The following RAD54B variants were observed in gnomAD, a reference collection of about 807,000 sequenced individuals.
The protein encoded by RAD54B is DNA repair and recombination protein RAD54B.
RAD54B carries 78 observed loss-of-function variants against 95.8 expected under a neutral mutation model. The observed-to-expected ratio is 0.81, with a 90% CI of 0.68 to 0.98. The LOEUF is 0.98. Ranked by LOEUF, RAD54B falls within the 50% of genes least tolerant of loss-of-function variation. The pLI is 0.00. For missense variants in RAD54B, 957 were observed against 1,056.6 expected (o/e 0.91, Z 1.31); for synonymous variants, 328 against 354.9 (o/e 0.92, Z 0.85).
intron 3 of RAD54B, among the ~76,000 whole-genome samples, chr8:94,457,400 T>G (rs1026137483): frequency 6.6e-6 from 1 of 152,212 alleles, no homozygotes; most frequent in Admixed American, 6.5e-5. Flanking sequence ...TGAAAAGTTA[T>G]GAGGAGCACA....
At chr8:94,458,775 G>A (rs1812834992) in intron 2 of RAD54B, among the ~76,000 whole-genome samples, 1 of 152,050 alleles carries the variant, frequency 6.6e-6, no homozygotes, top group Admixed American at 6.6e-5. Flanking sequence ...ATTGAGGCAG[G>A]AGAATCGCTT....
intron 1 of RAD54B, among the ~76,000 whole-genome samples, chr8:94,468,558 G>T (rs1050339991): frequency 6.6e-6 from 1 of 151,996 alleles, no homozygotes. Flanking sequence ...GAGCACGGTG[G>T]CTCATGCCTG....
intron 3 of RAD54B, among the ~76,000 whole-genome samples, chr8:94,433,776 T>C (rs992464803): frequency 2.6e-5 from 4 of 151,794 alleles, no homozygotes; most frequent in Non-Finnish European, 5.9e-5. Flanking sequence ...TGAACATGAA[T>C]GGAAATACTT....
chr8:94,439,067 C>G (rs908685512), intron 3 of RAD54B, among the ~76,000 whole-genome samples: 1 of 151,742 alleles, frequency 6.6e-6, no homozygotes, highest in Admixed American at 6.6e-5. Context: ...ACTCCAGCCT[C>G]GGTGACAGAG....
intron 2 of RAD54B, among the ~76,000 whole-genome samples, chr8:94,461,467 C>T (rs1195883259): frequency 6.6e-6 from 1 of 151,534 alleles, no homozygotes; most frequent in African/African-American, 2.4e-5. Context: ...CCACACCCGG[C>T]CATAAATACT....
chr8:94,378,437 T>C (rs568485414), intron 13 of RAD54B, 57 bp from the exon 14 acceptor site: 1 of 1,526,402 alleles, frequency 6.6e-7, no homozygotes, highest in South Asian at 1.2e-5. Flanking sequence ...TTATTTTTGT[T>C]GGGTATAATG....
chr8:94,399,260 G>T (rs1276390724), intron 8 of RAD54B, among the ~76,000 whole-genome samples, 154 bp downstream of exon 8: 1 of 152,106 alleles, frequency 6.6e-6, no homozygotes, highest in Non-Finnish European at 1.5e-5. Context: ...TGGATTTGAA[G>T]ATTCAGAATC....
chr8:94,474,738 T>C (rs1813256869), intron 1 of RAD54B, among the ~76,000 whole-genome samples: 1 of 152,116 alleles, frequency 6.6e-6, no homozygotes, highest in Non-Finnish European at 1.5e-5. Context: ...CAGGGGCCAC[T>C]GCCCAGAACC....
intron 2 of RAD54B, among the ~76,000 whole-genome samples, chr8:94,459,716 C>G (rs903909338): frequency 2.0e-5 from 3 of 151,220 alleles, no homozygotes; most frequent in Admixed American, 6.6e-5. Context: ...AAAAATTAGC[C>G]AGACACGGTG....
At chr8:94,454,699 A>C (rs1812741435) in intron 3 of RAD54B, among the ~76,000 whole-genome samples, 1 of 152,196 alleles carries the variant, frequency 6.6e-6, no homozygotes, top group African/African-American at 2.4e-5. Context: ...CCACTTATAC[A>C]GTTGTTTACT....
At chr8:94,426,885 A>AG (rs1811956772) in intron 3 of RAD54B, among the ~76,000 whole-genome samples, 1 of 152,224 alleles carries the variant, frequency 6.6e-6, no homozygotes, top group African/African-American at 2.4e-5. Context: ...AGTGAACTCT[A>AG]GTAATACTCA....
chr8:94,410,638 T>C (rs1811505629), intron 4 of RAD54B, among the ~76,000 whole-genome samples: 2 of 152,168 alleles, frequency 1.3e-5, no homozygotes, highest in South Asian at 4.1e-4. Flanking sequence ...ACAGAAACAA[T>C]GGCAACCTCC....
chr8:94,387,121 T>C lies in RAD54B; in HGVS notation c.1848A>G (p.Glu616=), dbSNP rs377000587. Reference sequence around the variant, plus strand: ...TTAGCAAGCCTTTGTATAGACTCTTTTCTTCATTTTTATCACAAGTTGAGC... The same window carrying C: ...TTAGCAAGCCTTTGTATAGACTCTTCTCTTCATTTTTATCACAAGTTGAGC... ...ECSSTCDKNE[E]KSLYKGLLSV... The change falls in exon 11 of 15, where the codon GAA becomes GAG. Residue 616 remains glutamate (E), a synonymous_variant. Transcript: ENST00000336148. 1.9e-6 allele frequency: 3 copies of C among 1,603,036 alleles called. No individual in the cohort carries two copies. The highest frequency in any genetic ancestry group is 2.6e-6 in the Non-Finnish European group (3 of 1,176,162).
intron 3 of RAD54B, among the ~76,000 whole-genome samples, chr8:94,439,505 A>C (rs1240410906): frequency 6.6e-6 from 1 of 152,228 alleles, no homozygotes; most frequent in Non-Finnish European, 1.5e-5. Context: ...ATTGATTCTG[A>C]GCCAAATATG....
In RAD54B at chr8:94,448,148, A is replaced by C. The variant is rs2130152464; in HGVS notation, c.304+10120T>G. On this transcript the variant is annotated intron_variant, in intron 3 of 14. Transcript: ENST00000336148. ...TTCAAATGAAAGACAAGATAGGAAGACAGTTCATTCTCCAAAAAGTAGAGG... is the reference window on the plus strand; with the variant it reads ...TTCAAATGAAAGACAAGATAGGAAGCCAGTTCATTCTCCAAAAAGTAGAGG... Among the ~76,000 whole-genome samples the C allele has an allele frequency of 2.0e-5, 3 of 152,314 alleles. No individual in the cohort carries two copies. In the South Asian group the frequency reaches 6.2e-4, roughly 32 times the overall value.
intron 3 of RAD54B, among the ~76,000 whole-genome samples, chr8:94,419,415 G>A (rs1384735561): frequency 3.9e-5 from 6 of 152,138 alleles, no homozygotes; most frequent in Non-Finnish European, 8.8e-5. Context: ...GGTTGAGGCA[G>A]GAGAATTGCT....
chr8:94,467,677 C>A, intron 1 of RAD54B, 122 bp from the exon 2 acceptor site: 1 of 963,496 alleles, frequency 1.0e-6, no homozygotes, highest in East Asian at 2.6e-5. Flanking sequence ...CCTGCCTGGC[C>A]CCCCAAGCAT....
At chr8:94,372,883 G>A (rs1054598330) in intron 14 of RAD54B, 2 of 152,170 alleles carry the variant, frequency 1.3e-5, no homozygotes, top group African/African-American at 4.8e-5. Flanking sequence ...AAATAATTTT[G>A]TCACAAATTT....
intron 2 of RAD54B, among the ~76,000 whole-genome samples, chr8:94,463,893 CAAAAAAAA>C (rs553168595): frequency 1.1e-5 from 1 of 90,976 alleles, no homozygotes; most frequent in Admixed American, 1.2e-4. Flanking sequence ...GACCCTATCT[CAAAAAAAA>C]AAAAAAAAAA....
Sources: allele counts gnomAD v4.1 joint callset (sites outside exome capture counted in the v4.1 genomes callset), GRCh38; gene constraint gnomAD v4.1.1; transcripts MANE v1.5; gene names NCBI Gene and HGNC (gene_info 2026-07-23, HGNC 2026-07-21).